Variants in EEPD1 observed in about 807,000 individuals in gnomAD.
The protein encoded by EEPD1 is endonuclease/exonuclease/phosphatase family domain containing 1, also known as endonuclease/exonuclease/phosphatase family domain-containing protein 1.
In EEPD1, 17 loss-of-function variants were observed where a neutral mutation model predicts 46.3. That is an observed-to-expected ratio of 0.37 (90% CI 0.25 to 0.55). The LOEUF (loss-of-function observed/expected upper bound fraction) is 0.55. Among genes scored for constraint, EEPD1 ranks in the 20% least tolerant of loss-of-function variants. The probability of loss-of-function intolerance (pLI) is 0.83; values close to 1 mark genes in which losing one functional copy is unlikely to be tolerated. For synonymous variants in EEPD1, 313 were observed against 315.6 expected, an observed-to-expected ratio of 0.99 and a Z score of 0.09; for missense variants, 673 against 745.6, an observed-to-expected ratio of 0.90 and a Z score of 1.13.
chr7:36,265,440 A>C (rs1160082615), intron 3 of EEPD1, among the ~76,000 whole-genome samples: 1 of 152,234 alleles, frequency 6.6e-6, no homozygotes, highest in Non-Finnish European at 1.5e-5. Flanking sequence ...GAGAAAATAT[A>C]TCCCTGGGGT....
Position 36,193,476 on chromosome 7 carries a change from G to A in EEPD1, c.878+38274G>A, listed in dbSNP as rs759149801. 2.0e-5 allele frequency among the ~76,000 whole-genome samples: 3 copies of A among 152,110 alleles called. No individual in the cohort carries two copies. Among genetic ancestry groups the A allele is most frequent in the Non-Finnish European group, 4.4e-5 (3 of 68,008 alleles). On this transcript the variant is annotated intron_variant, in intron 2 of 7. Coordinates refer to ENST00000242108, the MANE Select transcript of EEPD1 (RefSeq NM_030636.3). The surrounding 1 kb of genome is among the most constrained non-coding windows in gnomAD (Gnocchi z 4.9). ...CCTTGGGAGGTCCCCCGGGGAGTGCGGTCCCCTGAAGGCAGAGGCAGAGGG... is the reference window on the plus strand; with the variant it reads ...CCTTGGGAGGTCCCCCGGGGAGTGCAGTCCCCTGAAGGCAGAGGCAGAGGG...
chr7:36,240,524 A>G (rs1014950203), intron 3 of EEPD1, among the ~76,000 whole-genome samples: 3 of 152,126 alleles, frequency 2.0e-5, no homozygotes, highest in Non-Finnish European at 2.9e-5. Flanking sequence ...AAAGCACTCT[A>G]CTCATTATTA....
intron 3 of EEPD1, among the ~76,000 whole-genome samples, chr7:36,250,424 G>A (rs1033657874): frequency 6.6e-6 from 1 of 152,106 alleles, no homozygotes; most frequent in Non-Finnish European, 1.5e-5. Flanking sequence ...TGCCCTGAGT[G>A]GCCCAGAATC....
intron 2 of EEPD1, among the ~76,000 whole-genome samples, chr7:36,175,515 A>T (rs1201173791): frequency 3.3e-5 from 5 of 150,820 alleles, no homozygotes; most frequent in African/African-American, 1.2e-4. Context: ...TACAGGGGTG[A>T]ACCATTGTGC....
At chr7:36,155,273 A>C in intron 2 of EEPD1, 71 bp downstream of exon 2, 2 of 1,453,276 alleles carry the variant, frequency 1.4e-6, no homozygotes, top group Non-Finnish European at 1.8e-6. Flanking sequence ...ATGGATGCAA[A>C]TGAATGGATT....
chr7:36,256,118 CA>C (rs1325169898), intron 3 of EEPD1, among the ~76,000 whole-genome samples: 2 of 152,140 alleles, frequency 1.3e-5, no homozygotes. Context: ...GTTCAGTTCC[CA>C]TGTAGCTGTG....
At chr7:36,203,168 C>T (rs1785745154) in intron 2 of EEPD1, among the ~76,000 whole-genome samples, 1 of 152,188 alleles carries the variant, frequency 6.6e-6, no homozygotes, top group South Asian at 2.1e-4. Flanking sequence ...AAGTGGTGCT[C>T]ATGACAGTGC....
intron 3 of EEPD1, among the ~76,000 whole-genome samples, chr7:36,251,331 A>G (rs1343518898): frequency 6.6e-6 from 1 of 151,424 alleles, no homozygotes; most frequent in Non-Finnish European, 1.5e-5. Flanking sequence ...TCTTTCTGAG[A>G]TGGAGTCTTG....
intron 2 of EEPD1, among the ~76,000 whole-genome samples, chr7:36,156,157 T>C (rs900081359): frequency 6.6e-6 from 1 of 152,186 alleles, no homozygotes; most frequent in African/African-American, 2.4e-5. Context: ...TCCTTTGCAC[T>C]GAGTTGTTGG....
chr7:36,278,499 G>C (rs553789002), intron 3 of EEPD1, among the ~76,000 whole-genome samples: 25 of 151,164 alleles, frequency 1.7e-4, no homozygotes, highest in African/African-American at 2.4e-5. Flanking sequence ...ATCCCTTGGT[G>C]GGGGGGCGGT....
chr7:36,296,480 G>T (rs903386438), intron 6 of EEPD1, among the ~76,000 whole-genome samples: 1 of 152,136 alleles, frequency 6.6e-6, no homozygotes, highest in Non-Finnish European at 1.5e-5. Flanking sequence ...GTCAGGCATT[G>T]TCTCCTCCGG....
chr7:36,261,414 A>G (rs1240365296), intron 3 of EEPD1, among the ~76,000 whole-genome samples: 4 of 152,176 alleles, frequency 2.6e-5, no homozygotes, highest in Non-Finnish European at 4.4e-5. Flanking sequence ...GCAGAAAGAA[A>G]ATGTGCCCAA....
Position 36,277,765 on chromosome 7 carries a change from C to T in EEPD1, c.931-3350C>T, listed in dbSNP as rs532213578. 5.9e-5 allele frequency among the ~76,000 whole-genome samples: 9 copies of T among 152,262 alleles called. No homozygotes were observed. The South Asian group carries it at 8.3e-4, about 14-fold the overall frequency. On this transcript the variant is annotated intron_variant, in intron 3 of 7. Coordinates refer to ENST00000242108, the MANE Select transcript of EEPD1 (RefSeq NM_030636.3). Reference sequence around the variant, plus strand: ...AGCCATAAACACTTATCTCCCTCGTCGCTCAAGTTATTAACTATCCCTAAT... The same window carrying T: ...AGCCATAAACACTTATCTCCCTCGTTGCTCAAGTTATTAACTATCCCTAAT...
At chr7:36,157,042 C>T (rs574025237) in intron 2 of EEPD1, among the ~76,000 whole-genome samples, 1 of 152,198 alleles carries the variant, frequency 6.6e-6, no homozygotes, top group South Asian at 2.1e-4. Flanking sequence ...CCTAAACAAT[C>T]CAGTATGGTA....
intron 3 of EEPD1, among the ~76,000 whole-genome samples, chr7:36,248,622 C>T (rs1786680511): frequency 1.3e-5 from 2 of 151,522 alleles, no homozygotes; most frequent in African/African-American, 4.9e-5. Flanking sequence ...CACACTTAGC[C>T]CTTCATGTAG....
intron 6 of EEPD1, among the ~76,000 whole-genome samples, chr7:36,288,510 C>T (rs1787374045): frequency 6.6e-6 from 1 of 152,192 alleles, no homozygotes; most frequent in Admixed American, 6.5e-5. Context: ...CCTGTAATCT[C>T]AGCACTTTGG....
intron 3 of EEPD1, among the ~76,000 whole-genome samples, chr7:36,258,531 G>T (rs904659149): frequency 1.1e-4 from 17 of 152,200 alleles, no homozygotes; most frequent in African/African-American, 4.1e-4. Flanking sequence ...TGCCCTGAGA[G>T]GAGGAATCTA....
chr7:36,219,604 AGAG>A (rs1786097840), intron 2 of EEPD1, among the ~76,000 whole-genome samples: 2 of 149,782 alleles, frequency 1.3e-5, no homozygotes, highest in Admixed American at 1.3e-4. Context: ...AGAAGGAGGA[AGAG>A]GAAGGAAGGA....
chr7:36,272,107 T>A (rs956415384), intron 3 of EEPD1, among the ~76,000 whole-genome samples: 1 of 151,844 alleles, frequency 6.6e-6, no homozygotes, highest in Non-Finnish European at 1.5e-5. Flanking sequence ...GGTTTTGAAC[T>A]CCTGACCTCA....
Sources: gnomAD v4.1 joint callset for allele counts (sites outside exome capture counted in the v4.1 genomes callset) on GRCh38, gnomAD v4.1.1 for gene constraint, Gnocchi (gnomAD v3.1) non-coding constraint, MANE v1.5 for transcripts, NCBI Gene and HGNC (gene_info 2026-07-23, HGNC 2026-07-21) for gene names.